DHRS4L2: variants seen among roughly 807,000 people sequenced by gnomAD.
The protein encoded by DHRS4L2 is dehydrogenase/reductase 4 like 2.
A neutral mutation model predicts 23.9 loss-of-function variants in DHRS4L2; 22 were observed. That is an observed-to-expected ratio of 0.92 (90% CI 0.66 to 1.31). The LOEUF is 1.31. Among genes scored for constraint, DHRS4L2 ranks in the 40% most tolerant of loss-of-function variants. The pLI, the probability that DHRS4L2 is intolerant of heterozygous loss-of-function variation, is 0.00. For synonymous variants in DHRS4L2, 141 were observed against 123.7 expected, an observed-to-expected ratio of 1.14 and a Z score of -0.93; for missense variants, 385 against 303.3, an observed-to-expected ratio of 1.27 and a Z score of -2.00.
Position 24,001,082 on chromosome 14 carries a change from C to A in DHRS4L2, c.529C>A (p.Pro177Thr). 8.1e-6 allele frequency: 13 copies of A among 1,610,922 alleles called. No individual in the cohort carries two copies. Among genetic ancestry groups the A allele is most frequent in the South Asian group, 1.1e-5 (1 of 90,946 alleles). The change falls in exon 5 of 8, where the codon CCT becomes ACT. Residue 177 changes from proline to threonine, a missense_variant and splice_region_variant. By Grantham distance (38) the Pro-to-Thr change is conservative. Transcript: ENST00000335125. ...TTCCATAGCAGCCTTCAGTCCATCT[C>A]CTGTAAGAACCCTTTTGTCTACCTC... is the stretch of plus-strand genomic sequence containing the variant. Reference protein sequence around the residue: ...VSSIAAFSPSPGFSPYNVSKT... With the variant: ...VSSIAAFSPSTGFSPYNVSKT...
intron 3 of DHRS4L2, among the ~76,000 whole-genome samples, chr14:23,995,887 G>C (rs936706710): frequency 6.6e-6 from 1 of 151,760 alleles, no homozygotes; most frequent in Admixed American, 6.6e-5. Flanking sequence ...TGTTGTATTA[G>C]TCTGTTTTGC....
rs553749482 is a variant in DHRS4L2, at chr14:23,997,788, G to A, written c.408+2655G>A. Reference sequence around the variant, plus strand: ...TCTTGAACCCTTCCACGTCATCCATGAGGGTTGGAATCAACTTCTTCCAGA... The same window carrying A: ...TCTTGAACCCTTCCACGTCATCCATAAGGGTTGGAATCAACTTCTTCCAGA... On this transcript the variant is annotated intron_variant, in intron 3 of 7. Transcript: ENST00000335125. Among the ~76,000 whole-genome samples, 3 of 151,654 alleles carry A rather than the reference G, an allele frequency of 2.0e-5. No individual in the cohort carries two copies. The South Asian group carries it at 6.3e-4, about 32-fold the overall frequency.
intron 2 of DHRS4L2, among the ~76,000 whole-genome samples, chr14:23,994,627 G>C (rs375296508): frequency 6.6e-6 from 1 of 151,662 alleles, no homozygotes; most frequent in Admixed American, 6.6e-5. Flanking sequence ...GGTCAAGGCT[G>C]CAGTGAGCTG....
intron 2 of DHRS4L2, among the ~76,000 whole-genome samples, chr14:23,993,149 G>C (rs1171868220): frequency 4.0e-5 from 6 of 151,040 alleles, no homozygotes; most frequent in Non-Finnish European, 8.9e-5. Flanking sequence ...AAACACATGT[G>C]TACTGAGCAC....
upstream of DHRS4L2, chr14:23,988,735 G>A (rs1403022884): frequency 4.4e-6 from 6 of 1,349,462 alleles, no homozygotes; most frequent in African/African-American, 3.0e-5. Flanking sequence ...TCACCAGCCC[G>A]GGAAGGCAAG....
chr14:23,986,450 G>T (rs1289158221), upstream of DHRS4L2, among the ~76,000 whole-genome samples: 1 of 150,306 alleles, frequency 6.7e-6, no homozygotes, highest in Non-Finnish European at 1.5e-5. Context: ...TGGCACATGT[G>T]TACATATGTA....
chr14:23,982,537 C>A (rs1463909905), intron 1 of DHRS4L2, among the ~76,000 whole-genome samples: 1 of 109,708 alleles, frequency 9.1e-6, no homozygotes, highest in Non-Finnish European at 1.7e-5. Flanking sequence ...GGAGGCATCA[C>A]GCTACCTGAC....
rs576500652 is a variant in DHRS4L2, at chr14:24,000,122, T to G, written c.409-741T>G. Reference sequence around the variant, plus strand: ...TGGTTCATTTAAAAAACTGTACAGATCTACAGAGAGGACAAATAGGACAAA... The same window carrying G: ...TGGTTCATTTAAAAAACTGTACAGAGCTACAGAGAGGACAAATAGGACAAA... On this transcript the variant is annotated intron_variant, in intron 3 of 7. Coordinates refer to ENST00000335125, the MANE Select transcript of DHRS4L2 (RefSeq NM_198083.4). 1.4e-4 allele frequency among the ~76,000 whole-genome samples: 20 copies of G among 142,020 alleles called. 1 individual carries two copies. The South Asian group carries it at 4.4e-3, about 31-fold the overall frequency. The allele number at this position is 142,020 out of a possible 152,430, so 93.2% of individuals were successfully genotyped here.
chr14:23,992,492 G>A (rs1375370865), intron 2 of DHRS4L2, among the ~76,000 whole-genome samples: 1 of 151,356 alleles, frequency 6.6e-6, no homozygotes, highest in Non-Finnish European at 1.5e-5. Context: ...CCTGAGAATG[G>A]ATACTACCCA....
chr14:23,983,140 G>A (rs3966041), intron 1 of DHRS4L2, among the ~76,000 whole-genome samples: 141 of 151,602 alleles, frequency 9.3e-4, no homozygotes, highest in Middle Eastern at 3.4e-3. Flanking sequence ...CATCTGACAA[G>A]GGGCTAATAT....
At position 23,975,205 on chromosome 14, in the gene DHRS4L2, C is replaced by T. The variant is rs961403949; in HGVS notation, c.-176+4873C>T. Reference sequence around the variant, plus strand: ...AAACCCCATGATCTCAGCCCAAAATCTCCTTAAGCTGATAAGCAACTTCAG... The same window carrying T: ...AAACCCCATGATCTCAGCCCAAAATTTCCTTAAGCTGATAAGCAACTTCAG... On this transcript the variant is annotated intron_variant, in intron 1 of 5. Transcript: ENST00000534993. Among the ~76,000 whole-genome samples the T allele has an allele frequency of 9.2e-5, 14 of 151,768 alleles. 1 individual carries two copies. Among genetic ancestry groups the T allele is most frequent in the African/African-American group, 3.4e-4 (14 of 41,294 alleles).
chr14:23,991,475 C>G (rs1416966346), intron 2 of DHRS4L2, among the ~76,000 whole-genome samples: 1 of 151,750 alleles, frequency 6.6e-6, no homozygotes, highest in Non-Finnish European at 1.5e-5. Context: ...GAAAAACAAC[C>G]TGTGCCCCCC....
chr14:23,975,325 T>C (rs888344830), intron 1 of DHRS4L2, among the ~76,000 whole-genome samples: 1 of 151,696 alleles, frequency 6.6e-6, no homozygotes, highest in South Asian at 2.1e-4. Flanking sequence ...GAAGTCCCAT[T>C]CACAATTGCT....
intron 1 of DHRS4L2, among the ~76,000 whole-genome samples, chr14:23,977,731 GA>G (rs1286904216): frequency 2.6e-5 from 4 of 151,244 alleles, no homozygotes; most frequent in Non-Finnish European, 5.9e-5. Flanking sequence ...TGACATCATG[GA>G]AAAAAACCTC....
upstream of DHRS4L2, among the ~76,000 whole-genome samples, chr14:23,986,156 C>G (rs1023774920): frequency 1.3e-5 from 2 of 151,464 alleles, no homozygotes; most frequent in African/African-American, 2.4e-5. Flanking sequence ...CATGCCCACC[C>G]CAAGATTTCC....
At chr14:23,982,856 T>A (rs1467516734) in intron 1 of DHRS4L2, among the ~76,000 whole-genome samples, 1 of 151,668 alleles carries the variant, frequency 6.6e-6, no homozygotes, top group Non-Finnish European at 1.5e-5. Flanking sequence ...TTTTATTATG[T>A]TGTATTAAAT....
rs1019449827 is a variant in DHRS4L2 at position 23,995,864 on chromosome 14, C to T, written c.408+731C>T. On this transcript the variant is annotated intron_variant, in intron 3 of 7. Coordinates refer to ENST00000335125, the MANE Select transcript of DHRS4L2 (RefSeq NM_198083.4). ...ATTTTTATGATCTCCCATGGTTCTG[C>T]GTTTTACACTGATGTTGTATTAGTC... 1.2e-4 allele frequency among the ~76,000 whole-genome samples: 18 copies of T among 151,822 alleles called. 1 individual carries two copies. The East Asian group carries it at 2.9e-3, about 24-fold the overall frequency.
intron 1 of DHRS4L2, among the ~76,000 whole-genome samples, chr14:23,983,491 T>A (rs1158755259): frequency 6.6e-6 from 1 of 151,592 alleles, no homozygotes; most frequent in Middle Eastern, 3.2e-3. Context: ...CAAAGACCTA[T>A]AACCTGAAAC....
chr14:23,985,780 T>A (rs2877593), upstream of DHRS4L2, among the ~76,000 whole-genome samples: 14,198 of 151,416 alleles, frequency 0.094, 963 homozygotes, highest in East Asian at 0.24. Context: ...AGTGGCATGA[T>A]CTCAGCTCAC....
Sources: allele counts gnomAD v4.1 joint callset (sites outside exome capture counted in the v4.1 genomes callset), GRCh38; gene constraint gnomAD v4.1.1; transcripts MANE v1.5; gene names NCBI Gene and HGNC (gene_info 2026-07-23, HGNC 2026-07-21).